SPATS2L: variants seen among roughly 807,000 people sequenced by gnomAD.
The protein encoded by SPATS2L is SPATS2-like protein.
SPATS2L carries 30 observed loss-of-function variants against 59.6 expected under a neutral mutation model. The observed-to-expected ratio is 0.50, with a 90% CI of 0.38 to 0.68. SPATS2L has a LOEUF of 0.68. SPATS2L is among the 30% of genes least tolerant of loss of function. The pLI is 0.00. For synonymous variants in SPATS2L, 252 were observed against 263.5 expected (o/e 0.96, Z 0.42); for missense variants, 615 against 700.0 (o/e 0.88, Z 1.37).
chr2:200,364,958 A>G (rs1453961739), intron 2 of SPATS2L, among the ~76,000 whole-genome samples: 1 of 152,116 alleles, frequency 6.6e-6, no homozygotes, highest in Non-Finnish European at 1.5e-5. Context: ...GTTTTGTTTT[A>G]TTGATTAAGA....
chr2:200,447,930 A>C (rs1490749785), intron 8 of SPATS2L, among the ~76,000 whole-genome samples: 2 of 152,256 alleles, frequency 1.3e-5, no homozygotes, highest in Non-Finnish European at 2.9e-5. Flanking sequence ...TAGTGAAGAC[A>C]AAAATCAAGA....
At chr2:200,397,313 A>G (rs1172955467) in intron 3 of SPATS2L, among the ~76,000 whole-genome samples, 2 of 152,206 alleles carry the variant, frequency 1.3e-5, no homozygotes, top group African/African-American at 4.8e-5. Context: ...CTTGGGATTT[A>G]TAGGTAGTTT....
intron 8 of SPATS2L, among the ~76,000 whole-genome samples, chr2:200,443,475 G>C (rs2084831475): frequency 1.3e-5 from 2 of 152,182 alleles, no homozygotes; most frequent in Admixed American, 1.3e-4. Flanking sequence ...CATGGGATAA[G>C]TCCTGTGGAG....
At chr2:200,333,175 G>A (rs1450677947) in intron 2 of SPATS2L, among the ~76,000 whole-genome samples, 1 of 151,598 alleles carries the variant, frequency 6.6e-6, no homozygotes, top group African/African-American at 2.4e-5. Context: ...AGTCCCAGCT[G>A]TTTGGGAGGC....
intron 2 of SPATS2L, among the ~76,000 whole-genome samples, chr2:200,372,454 G>GCTCCCTTC: frequency 2.6e-5 from 4 of 151,968 alleles, no homozygotes; most frequent in Admixed American, 1.3e-4. Context: ...CCCAGGAAAG[G>GCTCCCTTC]GTATTCCATG....
chr2:200,467,216 T>C (rs2086663547), intron 9 of SPATS2L, 74 bp from the exon 10 acceptor site: 7 of 1,051,168 alleles, frequency 6.7e-6, no homozygotes, highest in Non-Finnish European at 1.0e-5. Flanking sequence ...GAGTGAGAAC[T>C]GATTCCAAGA....
At chr2:200,361,389 A>G (rs1193262941) in intron 2 of SPATS2L, among the ~76,000 whole-genome samples, 1 of 152,000 alleles carries the variant, frequency 6.6e-6, no homozygotes, top group Non-Finnish European at 1.5e-5. Context: ...CTCCATCCTC[A>G]CTCCCTCCTT....
intron 2 of SPATS2L, among the ~76,000 whole-genome samples, chr2:200,357,935 A>G (rs3769461): frequency 0.029 from 4,424 of 152,316 alleles, 155 homozygotes; most frequent in East Asian, 0.17. Flanking sequence ...ACCCAAGCAC[A>G]CATAGCCTGG....
chr2:200,368,310 T>C (rs1574509130), intron 2 of SPATS2L, among the ~76,000 whole-genome samples: 1 of 152,210 alleles, frequency 6.6e-6, no homozygotes, highest in South Asian at 2.1e-4. Flanking sequence ...TTCAGTCATA[T>C]TGGGCATTGG....
intron 8 of SPATS2L, among the ~76,000 whole-genome samples, chr2:200,444,656 G>A (rs1177614561): frequency 1.3e-5 from 2 of 151,960 alleles, no homozygotes; most frequent in South Asian, 2.1e-4. Flanking sequence ...CTTTTTTCCC[G>A]AAGCAATGCC....
intron 2 of SPATS2L, among the ~76,000 whole-genome samples, chr2:200,334,188 C>T (rs1056057616): frequency 1.1e-4 from 16 of 152,186 alleles, no homozygotes; most frequent in East Asian, 7.7e-4. Context: ...TTTTAATGAT[C>T]GCCATTCTAA....
chr2:200,371,713 G>A (rs1242305801), intron 2 of SPATS2L, among the ~76,000 whole-genome samples: 1 of 152,106 alleles, frequency 6.6e-6, no homozygotes, highest in Non-Finnish European at 1.5e-5. Context: ...CTTATACATA[G>A]AGTCCCAGGA....
chr2:200,332,644 A>G (rs1426553111), intron 2 of SPATS2L, among the ~76,000 whole-genome samples: 3 of 152,080 alleles, frequency 2.0e-5, no homozygotes, highest in East Asian at 1.9e-4. Context: ...AAATCTAGTA[A>G]TTTAATGAAC....
intron 2 of SPATS2L, among the ~76,000 whole-genome samples, chr2:200,371,938 TA>T (rs943847472): frequency 6.6e-6 from 1 of 152,184 alleles, no homozygotes; most frequent in African/African-American, 2.4e-5. Context: ...CCGTGTTTTC[TA>T]ACAAAGCCGT....
intron 4 of SPATS2L, among the ~76,000 whole-genome samples, chr2:200,414,638 A>G (rs1281102559): frequency 6.6e-6 from 1 of 152,084 alleles, no homozygotes; most frequent in Non-Finnish European, 1.5e-5. Flanking sequence ...TCCAAAAAGA[A>G]AAAAAAACCA....
At chr2:200,308,289 T>C (rs2079092383) in intron 1 of SPATS2L, among the ~76,000 whole-genome samples, 1 of 151,206 alleles carries the variant, frequency 6.6e-6, no homozygotes, top group African/African-American at 2.4e-5. Context: ...GAAAATAGAG[T>C]GGCCGTCTGG....
At chr2:200,448,592 G>C (rs1250260354) in intron 8 of SPATS2L, among the ~76,000 whole-genome samples, 1 of 152,114 alleles carries the variant, frequency 6.6e-6, no homozygotes, top group African/African-American at 2.4e-5. Context: ...ATCTCTTTCT[G>C]CTCTGGAAAT....
intron 5 of SPATS2L, 58 bp from the exon 6 acceptor site, chr2:200,419,192 A>G (rs2106010262): frequency 6.8e-7 from 1 of 1,472,402 alleles, no homozygotes; most frequent in East Asian, 2.5e-5. Context: ...TCTCAGATTC[A>G]CCTTATATTT....
Position 200,479,232 on chromosome 2 carries a change from C to T in SPATS2L, c.*1201C>T, listed in dbSNP as rs1472967882. On this transcript the variant is annotated 3_prime_UTR_variant, in exon 13 of 13. Transcript: ENST00000409140. ...CCCATCTCTTAATTATCTTAGCTCT[C>T]CTTTCCTCCTTGGGTTGACATTGCA... is the stretch of plus-strand genomic sequence containing the variant. 1 of 237,166 alleles carries T rather than the reference C, an allele frequency of 4.2e-6. No individual in the cohort carries two copies. Among genetic ancestry groups the T allele is most frequent in the Non-Finnish European group, 8.1e-6 (1 of 123,770 alleles). The allele number at this position is 237,166 out of a possible 1,614,324, so 14.7% of individuals were successfully genotyped here. A position where few individuals can be genotyped will look rare whatever the true frequency, so the allele number is the denominator to read the frequency against.
Sources: allele counts gnomAD v4.1 joint callset (sites outside exome capture counted in the v4.1 genomes callset), GRCh38; gene constraint gnomAD v4.1.1; transcripts MANE v1.5; gene names NCBI Gene and HGNC (gene_info 2026-07-23, HGNC 2026-07-21).